ARHGAP24: variants seen among roughly 807,000 people sequenced by gnomAD.
The protein encoded by ARHGAP24 is Rho GTPase activating protein 24.
ARHGAP24 carries 50 observed loss-of-function variants against 76.4 expected under a neutral mutation model. The ratio of observed to expected loss-of-function variants is 0.65; its 90% CI spans 0.52 to 0.83. ARHGAP24 has a LOEUF of 0.83. Ranked by LOEUF, ARHGAP24 falls within the 40% of genes least tolerant of loss-of-function variation. The pLI is 0.00. For synonymous variants in ARHGAP24, 345 were observed against 323.3 expected (o/e 1.07, Z -0.72); for missense variants, 930 against 914.2 (o/e 1.02, Z -0.22).
At chr4:85,755,921 C>A (rs183885868) in intron 3 of ARHGAP24, among the ~76,000 whole-genome samples, 1 of 152,058 alleles carries the variant, frequency 6.6e-6, no homozygotes, top group Non-Finnish European at 1.5e-5. Context: ...GCGTGAGCCA[C>A]CGCGCTAGGC....
chr4:85,573,108 C>T (rs1393052331), intron 2 of ARHGAP24, among the ~76,000 whole-genome samples: 4 of 152,040 alleles, frequency 2.6e-5, no homozygotes, highest in Non-Finnish European at 5.9e-5. Context: ...AACTCCTGAC[C>T]TCAGATGATC....
intron 8 of ARHGAP24, among the ~76,000 whole-genome samples, chr4:85,985,295 T>C (rs1739919450): frequency 6.6e-6 from 1 of 152,242 alleles, no homozygotes; most frequent in South Asian, 2.1e-4. Flanking sequence ...TGGAATACTG[T>C]GTAGCCATAA....
chr4:85,849,243 C>G (rs1291732081), intron 3 of ARHGAP24, among the ~76,000 whole-genome samples: 26 of 150,254 alleles, frequency 1.7e-4, no homozygotes, highest in African/African-American at 4.6e-4. Context: ...ATTTGGCTCT[C>G]TGTTTGTCTG....
chr4:85,945,573 C>T (rs1171664384), intron 5 of ARHGAP24, among the ~76,000 whole-genome samples: 2 of 151,758 alleles, frequency 1.3e-5, no homozygotes, highest in Admixed American at 1.3e-4. Flanking sequence ...ACCAGCCTGG[C>T]CAACATGCTG....
intron 2 of ARHGAP24, among the ~76,000 whole-genome samples, chr4:85,625,588 C>A (rs953988160): frequency 6.6e-6 from 1 of 152,166 alleles, no homozygotes; most frequent in Non-Finnish European, 1.5e-5. Context: ...TCTATTAGGT[C>A]TGCTTGGTGC....
intron 2 of ARHGAP24, among the ~76,000 whole-genome samples, chr4:85,705,313 T>C (rs1343598345): frequency 6.6e-6 from 1 of 152,186 alleles, no homozygotes; most frequent in East Asian, 1.9e-4. Flanking sequence ...TAAATTTTAA[T>C]TTTTTGACTC....
chr4:85,877,985 T>C lies in ARHGAP24; in HGVS notation c.269-45663T>C, dbSNP rs557424870. On this transcript the variant is annotated intron_variant, in intron 3 of 9. Coordinates refer to ENST00000395184, the MANE Select transcript of ARHGAP24 (RefSeq NM_001025616.3). The stretch of plus-strand genomic sequence containing the variant: ...TTAAGAAGTAGACCTACTTTTGTAG[T>C]TACTTAAAATGGAACATCAAATACT... Among the ~76,000 whole-genome samples, 16 of 152,300 alleles carry C rather than the reference T, an allele frequency of 1.1e-4. No individual in the cohort carries two copies. In the South Asian group the frequency reaches 3.1e-3, roughly 30 times the overall value.
intron 2 of ARHGAP24, among the ~76,000 whole-genome samples, chr4:85,610,759 T>TAG (rs1195621281): frequency 3.3e-5 from 5 of 152,210 alleles, no homozygotes; most frequent in Non-Finnish European, 7.3e-5. Context: ...CATTCACCAA[T>TAG]AGCCTTTTAC....
At chr4:85,510,902 TC>T (rs1460428422) in intron 1 of ARHGAP24, among the ~76,000 whole-genome samples, 1 of 150,168 alleles carries the variant, frequency 6.7e-6, no homozygotes, top group Non-Finnish European at 1.5e-5. Context: ...AACCCATGCC[TC>T]TGCTCTGGTA....
chr4:85,764,752 A>G (rs1436654058), intron 3 of ARHGAP24, among the ~76,000 whole-genome samples: 1 of 152,142 alleles, frequency 6.6e-6, no homozygotes, highest in Non-Finnish European at 1.5e-5. Flanking sequence ...CAAGGAAAGA[A>G]AGAGGCATTC....
intron 1 of ARHGAP24, among the ~76,000 whole-genome samples, chr4:85,569,553 C>T (rs533159079): frequency 6.6e-5 from 10 of 152,040 alleles, no homozygotes; most frequent in African/African-American, 1.7e-4. Context: ...GTAGTATGGC[C>T]GTATACTCCT....
At chr4:85,821,293 T>C (rs1455056091) in intron 3 of ARHGAP24, among the ~76,000 whole-genome samples, 2 of 152,228 alleles carry the variant, frequency 1.3e-5, no homozygotes, top group Non-Finnish European at 2.9e-5. Context: ...TGAACAGATA[T>C]GATCATTACG....
chr4:85,678,074 A>G (rs1313338808), intron 2 of ARHGAP24, among the ~76,000 whole-genome samples: 2 of 151,928 alleles, frequency 1.3e-5, no homozygotes, highest in East Asian at 1.9e-4. Context: ...AAATTTTAAA[A>G]AAAGGCTATT....
At chr4:85,752,205 G>A (rs1726291043) in intron 3 of ARHGAP24, among the ~76,000 whole-genome samples, 1 of 152,144 alleles carries the variant, frequency 6.6e-6, no homozygotes, top group Admixed American at 6.5e-5. Flanking sequence ...TCAAAGTCTG[G>A]CATCTGGATA....
intron 2 of ARHGAP24, among the ~76,000 whole-genome samples, chr4:85,659,361 A>C (rs1211719311): frequency 6.6e-6 from 1 of 152,224 alleles, no homozygotes; most frequent in Admixed American, 6.5e-5. Context: ...CCAATGTCAA[A>C]TATTACAATA....
At chr4:85,575,412 A>G (rs899273476) in intron 2 of ARHGAP24, among the ~76,000 whole-genome samples, 1 of 152,198 alleles carries the variant, frequency 6.6e-6, no homozygotes, top group Non-Finnish European at 1.5e-5. Context: ...TTTGTATTTT[A>G]TCTTACAAAT....
intron 3 of ARHGAP24, among the ~76,000 whole-genome samples, chr4:85,730,997 C>T (rs7684018): frequency 0.035 from 3,901 of 110,166 alleles, 139 homozygotes; most frequent in African/African-American, 0.12. Flanking sequence ...CACACACACA[C>T]ACACACACAC....
intron 2 of ARHGAP24, among the ~76,000 whole-genome samples, chr4:85,672,424 C>T (rs990584948): frequency 1.4e-4 from 22 of 152,196 alleles, no homozygotes; most frequent in Non-Finnish European, 1.5e-4. Flanking sequence ...AGAATACACA[C>T]AGATGTCACA....
At chr4:85,625,008 C>T (rs966065186) in intron 2 of ARHGAP24, among the ~76,000 whole-genome samples, 2 of 152,034 alleles carry the variant, frequency 1.3e-5, no homozygotes, top group Non-Finnish European at 2.9e-5. Flanking sequence ...TTTTGTTGAT[C>T]TTTTCAAAAA....
Sources: gnomAD v4.1 joint callset for allele counts (sites outside exome capture counted in the v4.1 genomes callset) on GRCh38, gnomAD v4.1.1 for gene constraint, MANE v1.5 for transcripts, NCBI Gene and HGNC (gene_info 2026-07-23, HGNC 2026-07-21) for gene names.